Variants in CPS1 observed in about 807,000 individuals in gnomAD.
CPS1 encodes the protein carbamoyl-phosphate synthase [ammonia], mitochondrial.
A neutral mutation model predicts 174.6 loss-of-function variants in CPS1; 109 were observed. The observed-to-expected ratio is 0.62, with a 90% CI of 0.53 to 0.73. The LOEUF (loss-of-function observed/expected upper bound fraction) is 0.73, where lower values mean the gene tolerates loss of function less well. Among genes scored for constraint, CPS1 ranks in the 30% least tolerant of loss-of-function variants. The probability of loss-of-function intolerance (pLI) is 0.00; values close to 1 mark genes in which losing one functional copy is unlikely to be tolerated. For missense variants in CPS1, 1,689 were observed against 1,821.9 expected (o/e 0.93, Z 1.33); for synonymous variants, 637 against 632.0 (o/e 1.01, Z -0.12).
chr2:210,592,045 T>C (rs1698321712), intron 10 of CPS1, 76 bp downstream of exon 10: 1 of 1,460,752 alleles, frequency 6.8e-7, no homozygotes, highest in East Asian at 2.4e-5. Flanking sequence ...TACATAAGCA[T>C]TGTATATATT....
intron 1 of CPS1, among the ~76,000 whole-genome samples, chr2:210,500,732 T>G (rs566063076): frequency 6.6e-6 from 1 of 152,280 alleles, no homozygotes; most frequent in Non-Finnish European, 1.5e-5. Context: ...ACTGAGTGTT[T>G]GCAGTTTTCC....
At chr2:210,557,567 G>A (rs191540283) in intron 1 of CPS1, among the ~76,000 whole-genome samples, 21 of 152,094 alleles carry the variant, frequency 1.4e-4, no homozygotes, top group African/African-American at 4.6e-4. Context: ...TGAAATTCCT[G>A]TAGGAACCTC....
chr2:210,586,634 G>A (rs1001911614), intron 6 of CPS1, among the ~76,000 whole-genome samples: 7 of 152,078 alleles, frequency 4.6e-5, no homozygotes, highest in Non-Finnish European at 7.4e-5. Context: ...ATGAGGTCTT[G>A]TGTAACTTCT....
chr2:210,671,443 A>G (rs1346219730), intron 34 of CPS1, among the ~76,000 whole-genome samples: 1 of 152,202 alleles, frequency 6.6e-6, no homozygotes, highest in African/African-American at 2.4e-5. Context: ...ATAAATGTGA[A>G]AATGATCATT....
At chr2:210,602,473 G>T in intron 16 of CPS1, 143 bp downstream of exon 16, 1 of 1,094,764 alleles carries the variant, frequency 9.1e-7, no homozygotes, top group Non-Finnish European at 1.4e-6. Context: ...TATTCCAAAA[G>T]ATGACACTTT....
At chr2:210,525,988 C>T (rs1695962937) in intron 1 of CPS1, among the ~76,000 whole-genome samples, 1 of 151,726 alleles carries the variant, frequency 6.6e-6, no homozygotes, top group Non-Finnish European at 1.5e-5. Context: ...AATGAAGAGT[C>T]CACTGGGGAA....
At chr2:210,610,124 C>T (rs905198741) in intron 19 of CPS1, among the ~76,000 whole-genome samples, 2 of 151,814 alleles carry the variant, frequency 1.3e-5, no homozygotes, top group African/African-American at 4.8e-5. Flanking sequence ...ACGCAAATAC[C>T]ATGAAAATCT....
rs1308870955 is a variant in CPS1 at position 210,564,671 on chromosome 2, C to T, written c.126+7812C>T. On this transcript the variant is annotated intron_variant, in intron 1 of 37. Coordinates refer to ENST00000233072, the MANE Select transcript of CPS1 (RefSeq NM_001875.5). The stretch of plus-strand genomic sequence containing the variant: ...GATTACAGGCGTGAGCCACCGCGCC[C>T]GGCCTAGAATGCTCATTTTAAAAGT... 5.3e-5 allele frequency among the ~76,000 whole-genome samples: 8 copies of T among 152,104 alleles called. No individual in the cohort carries two copies. The East Asian group carries it at 7.8e-4, about 15-fold the overall frequency.
At chr2:210,540,266 T>A (rs974352258) in intron 1 of CPS1, among the ~76,000 whole-genome samples, 1 of 152,180 alleles carries the variant, frequency 6.6e-6, no homozygotes, top group African/African-American at 2.4e-5. Flanking sequence ...CCTGTTGTAA[T>A]AATTCCAAAC....
chr2:210,567,338 A>G (rs1176912285), intron 1 of CPS1, among the ~76,000 whole-genome samples: 1 of 152,178 alleles, frequency 6.6e-6, no homozygotes, highest in Non-Finnish European at 1.5e-5. Flanking sequence ...ACAACAAAAA[A>G]CAGTAAAAAT....
At chr2:210,674,848 AT>A in intron 34 of CPS1, 53 bp from the exon 35 acceptor site, 2 of 1,340,110 alleles carry the variant, frequency 1.5e-6, no homozygotes. Flanking sequence ...ACCATATTGC[AT>A]AAATGAAGAG....
intron 1 of CPS1, among the ~76,000 whole-genome samples, chr2:210,510,973 C>T (rs1056359352): frequency 2.6e-5 from 4 of 151,138 alleles, no homozygotes; most frequent in Non-Finnish European, 5.9e-5. Context: ...GTCAGTGTGG[C>T]GATTCCTCAG....
rs1250316045 is a variant in CPS1, at chr2:210,600,594, G to A, written c.1589G>A (p.Gly530Asp). 3.1e-6 allele frequency: 5 copies of A among 1,612,276 alleles called. No individual in the cohort carries two copies. The highest frequency in any genetic ancestry group is 4.2e-6 in the Non-Finnish European group (5 of 1,178,866). The change falls in exon 15 of 38, where the codon GGT (glycine) becomes GAT (aspartate). Residue 530 changes from glycine to aspartate, a missense_variant. Coordinates refer to ENST00000233072, the MANE Select transcript of CPS1 (RefSeq NM_001875.5). ...AAGAGAGGTGTGCTCAAGGAATATG[G>A]TGTGAAAGTCCTGGGAACTTCAGTT... The part of the protein sequence containing the change: ...LFKRGVLKEY[G>D]VKVLGTSVES...
upstream of CPS1, among the ~76,000 whole-genome samples, chr2:210,554,307 C>G (rs750060055): frequency 2.7e-5 from 4 of 149,134 alleles, no homozygotes; most frequent in Non-Finnish European, 4.5e-5. Context: ...GTTTGCAAGT[C>G]TGCATCTGGG....
chr2:210,600,496 A>G (rs1698682059), intron 14 of CPS1, 59 bp from the exon 15 acceptor site: 6 of 1,554,564 alleles, frequency 3.9e-6, no homozygotes, highest in East Asian at 2.3e-5. Context: ...TCAGTTGTCT[A>G]TTAAAAAAGG....
At chr2:210,668,372 A>C in intron 34 of CPS1, 88 bp downstream of exon 34, 1 of 924,356 alleles carries the variant, frequency 1.1e-6, no homozygotes, top group South Asian at 1.3e-5. Context: ...GGTATAGAGG[A>C]AGGGAGATTT....
At chr2:210,583,190 TA>T (rs1311967351) in intron 6 of CPS1, among the ~76,000 whole-genome samples, 2 of 152,200 alleles carry the variant, frequency 1.3e-5, no homozygotes, top group African/African-American at 4.8e-5. Context: ...GTTTCAAAAT[TA>T]ATGTTCGTAA....
chr2:210,509,870 TAA>T (rs1189260230), intron 1 of CPS1, among the ~76,000 whole-genome samples: 11 of 151,880 alleles, frequency 7.2e-5, no homozygotes, highest in Admixed American at 6.6e-4. Context: ...TCAATGAAAA[TAA>T]AAGAGGATAC....
chr2:210,546,480 T>A (rs557973079), intron 1 of CPS1, among the ~76,000 whole-genome samples: 2 of 152,256 alleles, frequency 1.3e-5, no homozygotes, highest in African/African-American at 4.8e-5. Flanking sequence ...GGACAGTATA[T>A]TAATTGTATG....
Sources: gnomAD v4.1 joint callset for allele counts (sites outside exome capture counted in the v4.1 genomes callset) on GRCh38, gnomAD v4.1.1 for gene constraint, MANE v1.5 for transcripts, NCBI Gene and HGNC (gene_info 2026-07-23, HGNC 2026-07-21) for gene names.